Variants in WDFY4 observed in about 807,000 individuals in gnomAD.
WDFY4 encodes WDFY family member 4.
In WDFY4, 169 loss-of-function variants were observed where a neutral mutation model predicts 351.9. That is an observed-to-expected ratio of 0.48 (90% CI 0.42 to 0.55). WDFY4 has a LOEUF of 0.55. Ranked by LOEUF, WDFY4 falls within the 20% of genes least tolerant of loss-of-function variation. WDFY4 has a pLI of 0.00. For synonymous variants in WDFY4, 1,622 were observed against 1,574.6 expected (o/e 1.03, Z -0.71); for missense variants, 3,803 against 3,935.6 (o/e 0.97, Z 0.90).
At chr10:48,801,806 C>T (rs1170356009) in intron 24 of WDFY4, among the ~76,000 whole-genome samples, 3 of 152,170 alleles carry the variant, frequency 2.0e-5, no homozygotes, top group Non-Finnish European at 4.4e-5. Flanking sequence ...CACAGGCCTC[C>T]CGATAAACTT....
intron 20 of WDFY4, among the ~76,000 whole-genome samples, chr10:48,787,852 T>C (rs1589608582): frequency 7.4e-6 from 1 of 135,646 alleles, no homozygotes; most frequent in African/African-American, 3.3e-5. Context: ...CTTCTTCTTC[T>C]TCTTCTTTCT....
Position 48,810,629 on chromosome 10 carries a change from G to A in WDFY4, c.4938G>A (p.Leu1646=), listed in dbSNP as rs1454469681. Residue 1646 remains leucine, a synonymous_variant, in exon 29 of 62, where the codon CTG becomes CTA. Coordinates refer to ENST00000325239, the MANE Select transcript of WDFY4 (RefSeq NM_001394531.1). ...HASTTVLALK[L]LLYFLASPSL... ...GCACCACTGTGCTGGCATTGAAGCTGCTGCTGTACTTTCTGGCAAGCCCCT... is the reference window on the plus strand; with the variant it reads ...GCACCACTGTGCTGGCATTGAAGCTACTGCTGTACTTTCTGGCAAGCCCCT... The A allele has an allele frequency of 6.4e-7, 1 of 1,551,712 alleles. No homozygotes were observed. The highest frequency in any genetic ancestry group is 1.7e-4 in the Middle Eastern group (1 of 5,972).
At chr10:48,749,877 C>T (rs1279792525) in intron 12 of WDFY4, among the ~76,000 whole-genome samples, 1 of 152,188 alleles carries the variant, frequency 6.6e-6, no homozygotes, top group Non-Finnish European at 1.5e-5. Context: ...CCAGCCCCTG[C>T]CAGGCCTCGT....
chr10:48,856,886 A>G (rs1419175228), intron 39 of WDFY4, among the ~76,000 whole-genome samples: 1 of 152,180 alleles, frequency 6.6e-6, no homozygotes, highest in Non-Finnish European at 1.5e-5. Flanking sequence ...ACTCTTAGCT[A>G]CTGGGACACT....
At position 48,891,475 on chromosome 10, in the gene WDFY4, G is replaced by C. The variant is rs17836509; in HGVS notation, c.7316+748G>C. ...TTTGCCAAAAGTCCAGTTGTCAAGT[G>C]TATGTTTTCACTTGATCATTGTCTT... On this transcript the variant is annotated intron_variant, in intron 44 of 61. Coordinates refer to ENST00000325239, the MANE Select transcript of WDFY4 (RefSeq NM_001394531.1). Among the ~76,000 whole-genome samples the C allele has an allele frequency of 2.3e-3, 347 of 152,344 alleles. 10 individuals carry two copies. In the East Asian group the frequency reaches 0.061, roughly 27 times the overall value.
chr10:48,729,904 G>C (rs1049931656), intron 8 of WDFY4, among the ~76,000 whole-genome samples: 1 of 152,246 alleles, frequency 6.6e-6, no homozygotes, highest in Admixed American at 6.5e-5. Flanking sequence ...TTCAGAGTCA[G>C]TGACTTCTCA....
intron 39 of WDFY4, among the ~76,000 whole-genome samples, chr10:48,859,552 A>T (rs1224103785): frequency 1.3e-5 from 2 of 152,186 alleles, no homozygotes; most frequent in Non-Finnish European, 2.9e-5. Context: ...TCAGATTTGC[A>T]TTCCTGGAAT....
rs1841318871 is a variant in WDFY4, at chr10:48,951,478, G to A, written c.7977+4509G>A. 2.0e-5 allele frequency among the ~76,000 whole-genome samples: 3 copies of A among 152,138 alleles called. No homozygotes were observed. In the South Asian group the frequency reaches 6.2e-4, roughly 32 times the overall value. On this transcript the variant is annotated intron_variant, in intron 51 of 61. Transcript: ENST00000325239. ...CACTCAGGCTAGAGTACAGTGGCAT[G>A]ATCATAGTTCATAGCAGCCTGGAAC...
chr10:48,812,534 C>G (rs924068083), intron 30 of WDFY4, among the ~76,000 whole-genome samples: 2 of 152,152 alleles, frequency 1.3e-5, no homozygotes, highest in Non-Finnish European at 1.5e-5. Context: ...TTCTACCAAC[C>G]CGTTCCTCAT....
At chr10:48,974,764 T>G in intron 57 of WDFY4, 98 bp from the exon 58 acceptor site, 1 of 1,277,436 alleles carries the variant, frequency 7.8e-7, no homozygotes, top group Admixed American at 2.8e-5. Context: ...GAATCTCCAT[T>G]TCCTCATCCA....
At chr10:48,963,325 C>G (rs1488610403) in intron 53 of WDFY4, among the ~76,000 whole-genome samples, 1 of 152,154 alleles carries the variant, frequency 6.6e-6, no homozygotes, top group African/African-American at 2.4e-5. Context: ...TACAATTGTT[C>G]ATTTTACAGA....
chr10:48,777,590 T>A, intron 17 of WDFY4, 95 bp downstream of exon 17: 13 of 1,251,586 alleles, frequency 1.0e-5, no homozygotes, highest in Non-Finnish European at 1.5e-5. Context: ...GGTGTTTCAA[T>A]AAAGTGTGAG....
At chr10:48,706,931 T>C (rs2132185384) in intron 1 of WDFY4, among the ~76,000 whole-genome samples, 1 of 152,240 alleles carries the variant, frequency 6.6e-6, no homozygotes, top group African/African-American at 2.4e-5. Flanking sequence ...GGATCTTAAG[T>C]GATGTGGAAA....
chr10:48,863,439 C>G (rs1742441420), intron 39 of WDFY4, among the ~76,000 whole-genome samples: 1 of 152,134 alleles, frequency 6.6e-6, no homozygotes, highest in African/African-American at 2.4e-5. Context: ...TTGCATTTCT[C>G]TGATGACAAA....
chr10:48,812,214 A>G (rs1387809288), intron 30 of WDFY4, among the ~76,000 whole-genome samples: 2 of 137,664 alleles, frequency 1.5e-5, no homozygotes, highest in Admixed American at 7.2e-5. Context: ...TTTTTGAGAC[A>G]GAGTCTTACT....
chr10:48,799,152 G>T (rs913632997), intron 24 of WDFY4, among the ~76,000 whole-genome samples: 1 of 152,096 alleles, frequency 6.6e-6, no homozygotes, highest in Non-Finnish European at 1.5e-5. Context: ...TACTAGAATG[G>T]CCATGGACAC....
At chr10:48,977,826 T>TA (rs1842642352) in intron 59 of WDFY4, among the ~76,000 whole-genome samples, 1 of 152,180 alleles carries the variant, frequency 6.6e-6, no homozygotes, top group Non-Finnish European at 1.5e-5. Flanking sequence ...TTTGGTGATA[T>TA]AAAATCCAGA....
intron 43 of WDFY4, among the ~76,000 whole-genome samples, chr10:48,882,280 C>A (rs2070283297): frequency 6.6e-6 from 1 of 152,194 alleles, no homozygotes; most frequent in Non-Finnish European, 1.5e-5. Flanking sequence ...ATGGAGGGAG[C>A]AGCCAGTCAT....
chr10:48,764,549 C>G (rs563602823), intron 13 of WDFY4, among the ~76,000 whole-genome samples: 3 of 152,326 alleles, frequency 2.0e-5, no homozygotes, highest in Admixed American at 6.5e-5. Flanking sequence ...GAGCTCTGAC[C>G]AGTATTGGAA....
Sources: gnomAD v4.1 joint callset for allele counts (sites outside exome capture counted in the v4.1 genomes callset) on GRCh38, gnomAD v4.1.1 for gene constraint, MANE v1.5 for transcripts, NCBI Gene and HGNC (gene_info 2026-07-23, HGNC 2026-07-21) for gene names.